The following BDP1 variants were observed in gnomAD, a reference collection of about 807,000 sequenced individuals.
BDP1 encodes the protein BDP1 general transcription factor IIIB subunit, also known as transcription factor TFIIIB component B'' homolog.
In BDP1, 169 loss-of-function variants were observed where a neutral mutation model predicts 266.6. The ratio of observed to expected loss-of-function variants is 0.63; its 90% CI spans 0.56 to 0.72. The LOEUF is 0.72. BDP1 is among the 30% of genes least tolerant of loss of function. The probability of loss-of-function intolerance (pLI) is 0.00; values close to 1 mark genes in which losing one functional copy is unlikely to be tolerated. For missense variants in BDP1, 3,015 were observed against 3,053.8 expected, an observed-to-expected ratio of 0.99 and a Z score of 0.30; for synonymous variants, 1,090 against 1,022.4, an observed-to-expected ratio of 1.07 and a Z score of -1.26.
rs1431812038 is a variant in BDP1, at chr5:71,553,290, A to G, written c.7170A>G (p.Leu2390=). ...IPPAKKRSLT[L]RDDCQEYTTE... is the part of the protein sequence containing the mutation. ...CTGCCAAAAAACGTTCACTCACTTT[A>G]AGAGATGACTGTCAAGAATATACCA... The change falls in exon 35 of 39, where the codon TTA becomes TTG. Residue 2390 remains leucine, a synonymous_variant. Coordinates refer to ENST00000358731, the MANE Select transcript of BDP1 (RefSeq NM_018429.3). 2 of 1,612,980 alleles carry G rather than the reference A, an allele frequency of 1.2e-6. No individual in the cohort carries two copies. The highest frequency in any genetic ancestry group is 1.8e-4 in the Middle Eastern group (1 of 5,424).
At chr5:71,548,429 T>C (rs985125423) in intron 32 of BDP1, among the ~76,000 whole-genome samples, 2 of 152,158 alleles carry the variant, frequency 1.3e-5, no homozygotes, top group Non-Finnish European at 2.9e-5. Context: ...GGTTTGGGTC[T>C]CCCTATCCTG....
At chr5:71,476,454 A>G (rs1398493314) in intron 7 of BDP1, 2 of 152,224 alleles carry the variant, frequency 1.3e-5, no homozygotes, top group East Asian at 1.9e-4. Context: ...ACGTGGTTGC[A>G]TTCACCAACC....
chr5:71,468,713 T>A (rs952966875), intron 6 of BDP1, among the ~76,000 whole-genome samples: 3 of 151,538 alleles, frequency 2.0e-5, no homozygotes, highest in African/African-American at 7.3e-5. Flanking sequence ...TTCAAGCGAT[T>A]CTCCTGCCTC....
intron 7 of BDP1, among the ~76,000 whole-genome samples, chr5:71,479,552 T>C (rs1441428427): frequency 6.6e-6 from 1 of 151,984 alleles, no homozygotes; most frequent in African/African-American, 2.4e-5. Context: ...TCTTTTTCTT[T>C]TTCTTTTTTT....
intron 25 of BDP1, among the ~76,000 whole-genome samples, chr5:71,526,809 T>C (rs1277319619): frequency 1.3e-5 from 2 of 149,364 alleles, no homozygotes; most frequent in African/African-American, 4.9e-5. Flanking sequence ...TGCCTCAGCC[T>C]CCTGTAGCTG....
intron 6 of BDP1, among the ~76,000 whole-genome samples, chr5:71,468,807 A>G (rs1309403449): frequency 2.0e-5 from 3 of 151,394 alleles, no homozygotes; most frequent in African/African-American, 7.3e-5. Context: ...GGGTTTCACC[A>G]TGTTGGCCAG....
intron 28 of BDP1, 79 bp downstream of exon 28, chr5:71,539,728 A>G: frequency 6.5e-6 from 6 of 922,986 alleles, no homozygotes; most frequent in Non-Finnish European, 1.0e-5. Flanking sequence ...CATTTGAGTA[A>G]TAACCCTTTT....
At chr5:71,544,621 T>G in intron 31 of BDP1, 114 bp downstream of exon 31, 1 of 1,127,456 alleles carries the variant, frequency 8.9e-7, no homozygotes, top group Non-Finnish European at 1.3e-6. Flanking sequence ...GGCTCACGCC[T>G]GTAATCCCGG....
intron 25 of BDP1, among the ~76,000 whole-genome samples, chr5:71,529,753 A>G (rs1455736117): frequency 2.6e-5 from 4 of 152,228 alleles, no homozygotes; most frequent in Admixed American, 6.5e-5. Context: ...GTGTCACAAC[A>G]TGGATGAATT....
Position 71,483,912 on chromosome 5 carries a change from T to G in BDP1, c.1069+16T>G. 1 of 1,588,922 alleles carries G rather than the reference T, an allele frequency of 6.3e-7. No individual in the cohort carries two copies. The highest frequency in any genetic ancestry group is 8.6e-7 in the Non-Finnish European group (1 of 1,161,138). On this transcript the variant is annotated intron_variant, in intron 8 of 38. Coordinates refer to ENST00000358731, the MANE Select transcript of BDP1 (RefSeq NM_018429.3). Reference sequence around the variant, plus strand: ...AAAGCATTCCGTAAGTATTAAGACCTCTTTTACAAAGTATTACTTGAAGAG... The same window carrying G: ...AAAGCATTCCGTAAGTATTAAGACCGCTTTTACAAAGTATTACTTGAAGAG...
chr5:71,467,504 T>A lies in BDP1; in HGVS notation c.919+17T>A. 6.5e-7 allele frequency: 1 copy of A among 1,548,128 alleles called. No homozygotes were observed. Among genetic ancestry groups the A allele is most frequent in the Non-Finnish European group, 8.9e-7 (1 of 1,127,936 alleles). ...CAAATAAAGGTAACTAATTTTCATT[T>A]AAAAATGTGTAAGTTCTCTATTTGA... On this transcript the variant is annotated intron_variant, in intron 6 of 38. Transcript: ENST00000358731.
chr5:71,513,659 A>G (rs564740448), intron 19 of BDP1, among the ~76,000 whole-genome samples: 4 of 152,226 alleles, frequency 2.6e-5, no homozygotes, highest in East Asian at 3.9e-4. Context: ...AGTTCCAGCT[A>G]TGTGACCATT....
At chr5:71,545,919 C>A (rs1742270093) in intron 32 of BDP1, among the ~76,000 whole-genome samples, 1 of 151,578 alleles carries the variant, frequency 6.6e-6, no homozygotes, top group South Asian at 2.1e-4. Context: ...AGGATCGTTT[C>A]AGCCTGGGAG....
At chr5:71,486,415 A>C (rs1335849834) in intron 8 of BDP1, 69 bp from the exon 9 acceptor site, 1 of 1,352,074 alleles carries the variant, frequency 7.4e-7, no homozygotes, top group African/African-American at 1.5e-5. Context: ...TGATGTTATG[A>C]TACTTTAAAA....
downstream of BDP1, among the ~76,000 whole-genome samples, chr5:71,572,545 C>T (rs572765135): frequency 2.0e-5 from 3 of 152,280 alleles, no homozygotes; most frequent in African/African-American, 7.2e-5. Flanking sequence ...TAAAGAAGTA[C>T]TGGGAATGGG....
intron 9 of BDP1, among the ~76,000 whole-genome samples, chr5:71,488,051 C>A (rs541397710): frequency 3.3e-5 from 5 of 152,192 alleles, no homozygotes; most frequent in African/African-American, 1.2e-4. Context: ...TTTACTTACA[C>A]ATAATCGTAG....
chr5:71,486,382 T>A (rs1763262077), intron 8 of BDP1, 102 bp from the exon 9 acceptor site: 1 of 974,268 alleles, frequency 1.0e-6, no homozygotes, highest in Admixed American at 3.1e-5. Context: ...GTTCTCCTAC[T>A]GATAAACAAA....
At chr5:71,570,605 A>G (rs556399359), downstream of BDP1, among the ~76,000 whole-genome samples, 29 of 152,362 alleles carry the variant, frequency 1.9e-4, no homozygotes, top group South Asian at 5.6e-3. Context: ...CCACATGTAA[A>G]AATACACTAT....
chr5:71,469,790 T>A (rs1347088182), intron 6 of BDP1, among the ~76,000 whole-genome samples: 1 of 151,450 alleles, frequency 6.6e-6, no homozygotes, highest in Admixed American at 6.6e-5. Flanking sequence ...ATTTTTTTTT[T>A]ATTTTTAGCA....
Sources: gnomAD v4.1 joint callset for allele counts (sites outside exome capture counted in the v4.1 genomes callset) on GRCh38, gnomAD v4.1.1 for gene constraint, MANE v1.5 for transcripts, NCBI Gene and HGNC (gene_info 2026-07-23, HGNC 2026-07-21) for gene names.